KCNB2: variants seen among roughly 807,000 people sequenced by gnomAD.
The protein encoded by KCNB2 is delayed rectifier potassium channel protein.
KCNB2 carries 15 observed loss-of-function variants against 61.5 expected under a neutral mutation model. That is an observed-to-expected ratio of 0.24 (90% CI 0.16 to 0.38). The LOEUF is 0.38. KCNB2 is among the 10% of genes least tolerant of loss of function. KCNB2 has a pLI of 1.00. For synonymous variants in KCNB2, 457 were observed against 446.0 expected, an observed-to-expected ratio of 1.02 and a Z score of -0.31; for missense variants, 828 against 1,125.2, an observed-to-expected ratio of 0.74 and a Z score of 3.78.
intron 2 of KCNB2, among the ~76,000 whole-genome samples, chr8:72,683,356 C>T (rs1806795493): frequency 6.6e-6 from 1 of 152,034 alleles, no homozygotes; most frequent in Admixed American, 6.6e-5. Flanking sequence ...AGGCACTGTG[C>T]CAGGCCAGTA....
intron 2 of KCNB2, among the ~76,000 whole-genome samples, chr8:72,633,831 T>G (rs1805920112): frequency 6.6e-6 from 1 of 152,146 alleles, no homozygotes; most frequent in Non-Finnish European, 1.5e-5. Flanking sequence ...AACCACTGCA[T>G]ACATCAACTG....
At chr8:72,930,127 A>T (rs1585982964) in intron 2 of KCNB2, among the ~76,000 whole-genome samples, 1 of 150,734 alleles carries the variant, frequency 6.6e-6, no homozygotes, top group Non-Finnish European at 1.5e-5. Context: ...AAGGACATGA[A>T]CTCATCATTT....
intron 2 of KCNB2, among the ~76,000 whole-genome samples, chr8:72,789,732 T>A (rs1198813310): frequency 1.3e-5 from 2 of 152,048 alleles, no homozygotes; most frequent in Admixed American, 6.5e-5. Flanking sequence ...TAGGGCACTC[T>A]GATGGGTGCC....
At chr8:72,904,370 G>A (rs1010055311) in intron 2 of KCNB2, among the ~76,000 whole-genome samples, 3 of 152,200 alleles carry the variant, frequency 2.0e-5, no homozygotes, top group Non-Finnish European at 2.9e-5. Context: ...AACACAGGGG[G>A]TAGAAGGAGG....
At chr8:72,909,243 G>A (rs780902179) in intron 2 of KCNB2, among the ~76,000 whole-genome samples, 6 of 152,200 alleles carry the variant, frequency 3.9e-5, no homozygotes, top group Admixed American at 6.5e-5. Context: ...CAGGTGACAC[G>A]TGGTCCCACA....
chr8:72,706,656 A>G (rs1237530099), intron 2 of KCNB2, among the ~76,000 whole-genome samples: 1 of 152,212 alleles, frequency 6.6e-6, no homozygotes, highest in East Asian at 1.9e-4. Context: ...TGAGTTAGGA[A>G]AATAAACATG....
intron 1 of KCNB2, among the ~76,000 whole-genome samples, chr8:72,566,398 G>C (rs1806625951): frequency 6.6e-6 from 1 of 152,094 alleles, no homozygotes; most frequent in African/African-American, 2.4e-5. Flanking sequence ...ATTTAAGGCT[G>C]TATTAGAAGT....
At position 72,734,186 on chromosome 8, in the gene KCNB2, T is replaced by G. The variant is rs575431395; in HGVS notation, c.579+165873T>G. 5.3e-5 allele frequency among the ~76,000 whole-genome samples: 8 copies of G among 152,306 alleles called. No homozygotes were observed. The South Asian group carries it at 1.5e-3, about 28-fold the overall frequency. The stretch of plus-strand genomic sequence containing the variant: ...GTAACGGTATTTTATCCATAAAGAC[T>G]ACAAACACAGCATTATCATTTCAAA... On this transcript the variant is annotated intron_variant, in intron 2 of 2. Coordinates refer to ENST00000523207, the MANE Select transcript of KCNB2 (RefSeq NM_004770.3).
At chr8:72,840,802 T>C (rs200913341) in intron 2 of KCNB2, among the ~76,000 whole-genome samples, 1 of 152,134 alleles carries the variant, frequency 6.6e-6, no homozygotes, top group Admixed American at 6.6e-5. Context: ...TCTGGATATT[T>C]GCCCTTTGTC....
chr8:72,886,910 G>T (rs938934588), intron 2 of KCNB2, among the ~76,000 whole-genome samples: 3 of 152,182 alleles, frequency 2.0e-5, no homozygotes, highest in African/African-American at 2.4e-5. Flanking sequence ...CAATCGCTGG[G>T]CCCTAATTTT....
In KCNB2 at chr8:72,686,296, G is replaced by A. The variant is rs572463765; in HGVS notation, c.579+117983G>A. 3.3e-5 allele frequency among the ~76,000 whole-genome samples: 5 copies of A among 152,168 alleles called. No individual in the cohort carries two copies. In the East Asian group the frequency reaches 5.8e-4, roughly 18 times the overall value. ...CTGGGCGACCAGTGTCCTGCTATTCGTCTTATAGGCCTATTTGGGCTTCTC... is the reference window on the plus strand; with the variant it reads ...CTGGGCGACCAGTGTCCTGCTATTCATCTTATAGGCCTATTTGGGCTTCTC... On this transcript the variant is annotated intron_variant, in intron 2 of 2. Coordinates refer to ENST00000523207, the MANE Select transcript of KCNB2 (RefSeq NM_004770.3).
chr8:72,672,305 G>A (rs73307868), intron 2 of KCNB2, among the ~76,000 whole-genome samples: 4 of 152,198 alleles, frequency 2.6e-5, no homozygotes, highest in Admixed American at 1.3e-4. Context: ...ATTTAGAAAC[G>A]TAAAAGAGAT....
intron 2 of KCNB2, among the ~76,000 whole-genome samples, chr8:72,695,950 CAG>C (rs1403192054): frequency 6.6e-6 from 1 of 152,176 alleles, no homozygotes; most frequent in Non-Finnish European, 1.5e-5. Context: ...AAATTAGTAA[CAG>C]AGATAGAATA....
At chr8:72,581,276 T>C (rs755236970) in intron 2 of KCNB2, among the ~76,000 whole-genome samples, 2 of 152,176 alleles carry the variant, frequency 1.3e-5, no homozygotes, top group African/African-American at 2.4e-5. Context: ...CTGTCTCAGC[T>C]CATATGTCAC....
At chr8:72,586,593 A>G (rs1290431505) in intron 2 of KCNB2, among the ~76,000 whole-genome samples, 1 of 152,190 alleles carries the variant, frequency 6.6e-6, no homozygotes, top group Non-Finnish European at 1.5e-5. Context: ...TGTCTACCAT[A>G]ATACTTTTCA....
intron 2 of KCNB2, among the ~76,000 whole-genome samples, chr8:72,830,764 A>C (rs113380217): frequency 2.3e-3 from 355 of 152,298 alleles, no homozygotes; most frequent in African/African-American, 7.0e-3. Context: ...CTTGGTTTTG[A>C]ATGCCATTTT....
chr8:72,602,351 A>G (rs1352296685), intron 2 of KCNB2, among the ~76,000 whole-genome samples: 1 of 152,114 alleles, frequency 6.6e-6, no homozygotes, highest in East Asian at 1.9e-4. Flanking sequence ...AGTAAGTAGA[A>G]TTTTGCTGCA....
chr8:72,909,377 T>C (rs527260499), intron 2 of KCNB2, among the ~76,000 whole-genome samples: 1 of 152,076 alleles, frequency 6.6e-6, no homozygotes, highest in Admixed American at 6.5e-5. Flanking sequence ...GAACATTGCA[T>C]GTGAGAGGAA....
At chr8:72,821,630 AC>A (rs780291001) in intron 2 of KCNB2, among the ~76,000 whole-genome samples, 8,857 of 73,850 alleles carry the variant, frequency 0.12, 685 homozygotes, top group African/African-American at 0.22. Flanking sequence ...ACACACACAC[AC>A]AAAAAAAAAC....
Sources: allele counts gnomAD v4.1 joint callset (sites outside exome capture counted in the v4.1 genomes callset), GRCh38; gene constraint gnomAD v4.1.1; transcripts MANE v1.5; gene names NCBI Gene and HGNC (gene_info 2026-07-23, HGNC 2026-07-21).